Variants in TBC1D8 observed in about 807,000 individuals in gnomAD.
The protein encoded by TBC1D8 is TBC1 domain family member 8.
A neutral mutation model predicts 118.8 loss-of-function variants in TBC1D8; 65 were observed. The observed-to-expected ratio is 0.55, with a 90% CI of 0.45 to 0.67. The LOEUF (loss-of-function observed/expected upper bound fraction) is 0.67, where lower values mean the gene tolerates loss of function less well. Among genes scored for constraint, TBC1D8 ranks in the 30% least tolerant of loss-of-function variants. The pLI, the probability that TBC1D8 is intolerant of heterozygous loss-of-function variation, is 0.00. For missense variants in TBC1D8, 1,376 were observed against 1,471.2 expected (o/e 0.94, Z 1.06); for synonymous variants, 566 against 595.8 (o/e 0.95, Z 0.73).
intron 17 of TBC1D8, chr2:101,018,922 C>A: frequency 1.3e-6 from 2 of 1,561,890 alleles, no homozygotes; most frequent in African/African-American, 1.3e-5. Flanking sequence ...CTGTTGATGT[C>A]CTAATCTTCT....
At chr2:101,067,619 A>G (rs1264908366) in intron 2 of TBC1D8, among the ~76,000 whole-genome samples, 1 of 152,258 alleles carries the variant, frequency 6.6e-6, no homozygotes, top group Non-Finnish European at 1.5e-5. Flanking sequence ...GCTTAAAAAA[A>G]CATTCATGAT....
At chr2:101,080,143 G>A (rs907233990) in intron 2 of TBC1D8, among the ~76,000 whole-genome samples, 26 of 152,154 alleles carry the variant, frequency 1.7e-4, no homozygotes, top group Admixed American at 5.9e-4. Context: ...TTATTTGAGC[G>A]TAAGCAAAAT....
chr2:101,032,505 A>G, intron 10 of TBC1D8, 120 bp from the exon 11 acceptor site: 4 of 751,540 alleles, frequency 5.3e-6, no homozygotes, highest in Non-Finnish European at 9.1e-6. Flanking sequence ...GAGATCCAGC[A>G]TACACCAACC....
At chr2:101,041,511 T>C (rs1256700353) in intron 5 of TBC1D8, among the ~76,000 whole-genome samples, 1 of 152,064 alleles carries the variant, frequency 6.6e-6, no homozygotes, top group Non-Finnish European at 1.5e-5. Flanking sequence ...GAAAATAGAT[T>C]ACTGATTGCT....
chr2:101,028,352 T>C lies in TBC1D8; in HGVS notation c.2303A>G (p.Glu768Gly), dbSNP rs925322333. Reference sequence around the variant, plus strand: ...CGAAATATCAGTCACAGGGTAGGGCTCCTGGTCGTCGGAGAAAAAGGCATG... The same window carrying C: ...CGAAATATCAGTCACAGGGTAGGGCCCCTGGTCGTCGGAGAAAAAGGCATG... ...SHHAFFSDDQEPYPVTDISDL... is the reference protein window; with the variant it reads ...SHHAFFSDDQGPYPVTDISDL... The change falls in exon 13 of 20, where the codon GAG becomes GGG. Residue 768 changes from glutamate to glycine, a missense_variant. Coordinates refer to ENST00000409318, the MANE Select transcript of TBC1D8 (RefSeq NM_001330348.2). 1.2e-6 allele frequency: 2 copies of C among 1,612,676 alleles called. No individual in the cohort carries two copies. Among genetic ancestry groups the C allele is most frequent in the Admixed American group, 3.3e-5 (2 of 59,824 alleles).
intron 4 of TBC1D8, among the ~76,000 whole-genome samples, chr2:101,053,020 G>C (rs1258446984): frequency 6.6e-6 from 1 of 152,240 alleles, no homozygotes; most frequent in South Asian, 2.1e-4. Context: ...GAAGGAGCTT[G>C]TTCACACAGA....
At chr2:101,045,600 C>T (rs1269760897) in intron 5 of TBC1D8, among the ~76,000 whole-genome samples, 1 of 152,236 alleles carries the variant, frequency 6.6e-6, no homozygotes, top group Non-Finnish European at 1.5e-5. Flanking sequence ...GCCATGGCTC[C>T]TGCCCTCTTG....
At chr2:101,040,413 A>C (rs1435255983) in intron 5 of TBC1D8, 28 bp from the exon 6 acceptor site, 4 of 1,562,750 alleles carry the variant, frequency 2.6e-6, no homozygotes, top group Admixed American at 1.9e-5. Context: ...GAGAAGAAGA[A>C]GAGATAGGAA....
chr2:101,090,101 A>G, intron 2 of TBC1D8, 108 bp downstream of exon 2: 1 of 1,214,104 alleles, frequency 8.2e-7, no homozygotes, highest in Non-Finnish European at 1.1e-6. Flanking sequence ...TCCTGAAAGC[A>G]GATGAGGGAG....
chr2:101,089,210 T>A (rs1335719661), intron 2 of TBC1D8, among the ~76,000 whole-genome samples: 2 of 152,124 alleles, frequency 1.3e-5, no homozygotes, highest in African/African-American at 2.4e-5. Context: ...TTAATTTTTT[T>A]TTATTTAAAT....
chr2:101,076,152 T>C (rs28742237), intron 2 of TBC1D8, among the ~76,000 whole-genome samples: 13,639 of 152,252 alleles, frequency 0.09, 1,777 homozygotes, highest in African/African-American at 0.28. Flanking sequence ...TTTCTAAATA[T>C]ATTATGTCTC....
chr2:101,129,636 C>T (rs1457204484), intron 1 of TBC1D8, among the ~76,000 whole-genome samples: 2 of 151,548 alleles, frequency 1.3e-5, no homozygotes, highest in African/African-American at 2.4e-5. Context: ...AAGTCCGTGG[C>T]GGCTCACACC....
At chr2:101,025,972 A>G (rs986420701) in intron 15 of TBC1D8, among the ~76,000 whole-genome samples, 35 of 152,262 alleles carry the variant, frequency 2.3e-4, no homozygotes, top group African/African-American at 8.2e-4. Context: ...AATTTCCTCA[A>G]GTACCAACCA....
intron 1 of TBC1D8, among the ~76,000 whole-genome samples, chr2:101,099,818 A>C (rs1328716985): frequency 6.6e-6 from 1 of 152,222 alleles, no homozygotes; most frequent in Non-Finnish European, 1.5e-5. Flanking sequence ...ACATCCCTTC[A>C]TGTTAAAAAC....
chr2:101,150,511 T>C (rs1465753309), intron 1 of TBC1D8, among the ~76,000 whole-genome samples: 2 of 152,356 alleles, frequency 1.3e-5, no homozygotes, highest in Non-Finnish European at 2.9e-5. Flanking sequence ...GGGTTTTTTT[T>C]CCTATCATTC....
At chr2:101,108,098 G>A (rs1292103644) in intron 1 of TBC1D8, among the ~76,000 whole-genome samples, 2 of 150,920 alleles carry the variant, frequency 1.3e-5, no homozygotes, top group Non-Finnish European at 3.0e-5. Flanking sequence ...GGGGAGGGAG[G>A]GGAGGGGAGG....
intron 1 of TBC1D8, among the ~76,000 whole-genome samples, chr2:101,092,160 G>A (rs953647470): frequency 9.8e-5 from 15 of 152,362 alleles, no homozygotes; most frequent in African/African-American, 3.6e-4. Flanking sequence ...TGGGTCTGGA[G>A]AAGTCTTTCA....
intron 1 of TBC1D8, among the ~76,000 whole-genome samples, chr2:101,113,224 T>C (rs115961034): frequency 0.012 from 1,798 of 152,274 alleles, 18 homozygotes; most frequent in Non-Finnish European, 0.017. Flanking sequence ...ATTTTTGTTA[T>C]AGAATTTTGG....
chr2:101,012,301 A>T (rs1470185283), intron 17 of TBC1D8, among the ~76,000 whole-genome samples: 1 of 152,348 alleles, frequency 6.6e-6, no homozygotes, highest in East Asian at 1.9e-4. Flanking sequence ...AAACACCCAA[A>T]TGTTGAATAA....
Sources: allele counts gnomAD v4.1 joint callset (sites outside exome capture counted in the v4.1 genomes callset), GRCh38; gene constraint gnomAD v4.1.1; transcripts MANE v1.5; gene names NCBI Gene and HGNC (gene_info 2026-07-23, HGNC 2026-07-21).